Variants in NRP1 observed in about 807,000 individuals in gnomAD.
NRP1 encodes neuropilin-1.
In NRP1, 35 loss-of-function variants were observed where a neutral mutation model predicts 106.7. The observed-to-expected ratio is 0.33, with a 90% confidence interval of 0.25 to 0.43. The LOEUF (loss-of-function observed/expected upper bound fraction) is 0.43. Among genes scored for constraint, NRP1 ranks in the 20% least tolerant of loss-of-function variants. NRP1 has a pLI of 1.00. For synonymous variants in NRP1, 437 were observed against 417.9 expected, an observed-to-expected ratio of 1.05 and a Z score of -0.56; for missense variants, 1,024 against 1,170.4, an observed-to-expected ratio of 0.87 and a Z score of 1.83.
At chr10:33,260,487 C>G (rs1045668935) in intron 4 of NRP1, among the ~76,000 whole-genome samples, 1 of 152,164 alleles carries the variant, frequency 6.6e-6, no homozygotes, top group African/African-American at 2.4e-5. Flanking sequence ...GCAGTTCCAG[C>G]CCCTTTTGCC....
chr10:33,207,902 G>A (rs1837933327), intron 9 of NRP1, among the ~76,000 whole-genome samples, 186 bp from the exon 10 acceptor site: 1 of 152,162 alleles, frequency 6.6e-6, no homozygotes, highest in South Asian at 2.1e-4. Flanking sequence ...TCTAAGAAGT[G>A]ACAGATGGCA....
chr10:33,328,506 T>G (rs1848051483), intron 2 of NRP1, among the ~76,000 whole-genome samples: 1 of 152,132 alleles, frequency 6.6e-6, no homozygotes, highest in African/African-American at 2.4e-5. Context: ...GGTAGGAAGA[T>G]TTTTATATTA....
intron 2 of NRP1, among the ~76,000 whole-genome samples, chr10:33,283,186 T>C (rs1314534103): frequency 6.6e-6 from 1 of 152,218 alleles, no homozygotes; most frequent in Non-Finnish European, 1.5e-5. Context: ...TACCTAATAA[T>C]ATTTATGATG....
chr10:33,287,034 C>CT (rs1356664566), intron 2 of NRP1, among the ~76,000 whole-genome samples: 1 of 152,068 alleles, frequency 6.6e-6, no homozygotes, highest in African/African-American at 2.4e-5. Flanking sequence ...TTAAAATAGG[C>CT]TTTTGTAAAT....
intron 2 of NRP1, among the ~76,000 whole-genome samples, chr10:33,296,601 A>G (rs1845403912): frequency 6.6e-6 from 1 of 152,096 alleles, no homozygotes; most frequent in Non-Finnish European, 1.5e-5. Flanking sequence ...TTCAGAGGGG[A>G]TGGGAAAAGG....
intron 3 of NRP1, among the ~76,000 whole-genome samples, chr10:33,266,987 G>C (rs1439792917): frequency 6.6e-6 from 1 of 152,196 alleles, no homozygotes; most frequent in East Asian, 1.9e-4. Flanking sequence ...AGCCAAGATC[G>C]TGCCACTGCA....
At chr10:33,292,201 AT>A (rs1418324333) in intron 2 of NRP1, among the ~76,000 whole-genome samples, 1 of 152,138 alleles carries the variant, frequency 6.6e-6, no homozygotes, top group East Asian at 1.9e-4. Context: ...CAGCCCACAG[AT>A]TTAGTTGTGA....
chr10:33,261,096 A>G (rs11592642), intron 4 of NRP1, among the ~76,000 whole-genome samples: 20,374 of 152,080 alleles, frequency 0.13, 1,419 homozygotes, highest in South Asian at 0.16. Context: ...AATATTAACA[A>G]ATATACAAAC....
chr10:33,257,713 G>A (rs1842293303), intron 4 of NRP1, among the ~76,000 whole-genome samples: 1 of 152,194 alleles, frequency 6.6e-6, no homozygotes, highest in Admixed American at 6.5e-5. Flanking sequence ...CCCTGGCAAT[G>A]AGTAAACTGG....
chr10:33,269,986 G>A (rs1220396211), intron 3 of NRP1, among the ~76,000 whole-genome samples: 1 of 152,130 alleles, frequency 6.6e-6, no homozygotes, highest in Non-Finnish European at 1.5e-5. Context: ...GGAATAAAGT[G>A]CACAATAAAT....
At chr10:33,210,109 T>C (rs1838179294) in intron 9 of NRP1, among the ~76,000 whole-genome samples, 1 of 152,262 alleles carries the variant, frequency 6.6e-6, no homozygotes, top group African/African-American at 2.4e-5. Context: ...AGTAAATTAA[T>C]TGGCCTTTTC....
At chr10:33,244,745 AT>A (rs1377575972) in intron 6 of NRP1, among the ~76,000 whole-genome samples, 3 of 152,218 alleles carry the variant, frequency 2.0e-5, no homozygotes, top group Admixed American at 6.5e-5. Flanking sequence ...ATTAAAAAAA[AT>A]AACCCAAGAA....
chr10:33,231,631 T>C (rs1201071139), intron 6 of NRP1, among the ~76,000 whole-genome samples: 3 of 152,200 alleles, frequency 2.0e-5, no homozygotes, highest in African/African-American at 7.2e-5. Flanking sequence ...ATACTGCTTA[T>C]CTGCTAAGTT....
intron 6 of NRP1, among the ~76,000 whole-genome samples, chr10:33,243,681 C>A (rs925182903): frequency 2.6e-5 from 4 of 152,144 alleles, no homozygotes; most frequent in African/African-American, 9.7e-5. Flanking sequence ...GAAAAAAGTG[C>A]CCAAGTCACA....
intron 12 of NRP1, chr10:33,195,297 T>C (rs1836701131): frequency 5.9e-6 from 2 of 340,108 alleles, no homozygotes; most frequent in African/African-American, 4.3e-5. Context: ...GCAGGAATGC[T>C]GGAGGAGCCT....
intron 2 of NRP1, among the ~76,000 whole-genome samples, chr10:33,273,180 T>C (rs1467968253): frequency 6.6e-6 from 1 of 152,134 alleles, no homozygotes; most frequent in Admixed American, 6.5e-5. Context: ...GAAATTGAAT[T>C]ATTCAGGAAT....
intron 2 of NRP1, among the ~76,000 whole-genome samples, chr10:33,298,930 C>T (rs959661020): frequency 1.3e-5 from 2 of 152,164 alleles, no homozygotes; most frequent in South Asian, 4.1e-4. Context: ...ACCACCACTA[C>T]TGCTATTACT....
chr10:33,220,920 A>AG (rs1311388168), intron 8 of NRP1, among the ~76,000 whole-genome samples: 3 of 151,302 alleles, frequency 2.0e-5, no homozygotes, highest in African/African-American at 4.9e-5. Context: ...AAAAAAAAAA[A>AG]AAAGAAAAAC....
intron 2 of NRP1, among the ~76,000 whole-genome samples, chr10:33,274,850 G>T (rs966700050): frequency 6.6e-6 from 1 of 152,182 alleles, no homozygotes. Flanking sequence ...AAGCTGGAGT[G>T]AGAAATGATG....
Sources: gnomAD v4.1 joint callset for allele counts (sites outside exome capture counted in the v4.1 genomes callset) on GRCh38, gnomAD v4.1.1 for gene constraint, MANE v1.5 for transcripts, NCBI Gene and HGNC (gene_info 2026-07-23, HGNC 2026-07-21) for gene names.